The following EPHA6 variants were observed in gnomAD, a reference collection of about 807,000 sequenced individuals.
EPHA6 encodes ephrin type-A receptor 6.
Under a neutral mutation model 112.0 loss-of-function variants are expected in EPHA6, and 50 were observed. The observed-to-expected ratio is 0.45, with a 90% CI of 0.36 to 0.56. EPHA6 has a LOEUF of 0.56. Ranked by LOEUF, EPHA6 falls within the 20% of genes least tolerant of loss-of-function variation. The pLI, the probability that EPHA6 is intolerant of heterozygous loss-of-function variation, is 0.00. For synonymous variants in EPHA6, 529 were observed against 490.7 expected (o/e 1.08, Z -1.03); for missense variants, 1,280 against 1,417.4 (o/e 0.90, Z 1.56).
At chr3:96,984,453 G>A (rs1034355964) in intron 2 of EPHA6, among the ~76,000 whole-genome samples, 8 of 152,314 alleles carry the variant, frequency 5.3e-5, no homozygotes, top group African/African-American at 1.9e-4. Context: ...TGAGGTGTCA[G>A]TCTGCCCCTA....
chr3:96,887,686 A>G (rs1385106803), intron 2 of EPHA6, among the ~76,000 whole-genome samples: 2 of 152,078 alleles, frequency 1.3e-5, no homozygotes, highest in African/African-American at 2.4e-5. Context: ...TTCTGCTACC[A>G]GGGTAGGTAG....
rs79659567 is a variant in EPHA6 at position 96,988,962 on chromosome 3, G to A, written c.1114+969G>A. On this transcript the variant is annotated intron_variant, in intron 3 of 17. Coordinates refer to ENST00000389672, the MANE Select transcript of EPHA6 (RefSeq NM_001080448.3). ...ATATACCCCCTAATAAAGAGCATACGTTTGATTATAATTAGATTTAGGACT... is the reference window on the plus strand; with the variant it reads ...ATATACCCCCTAATAAAGAGCATACATTTGATTATAATTAGATTTAGGACT... Among the ~76,000 whole-genome samples, 1,325 of 151,890 alleles carry A rather than the reference G, an allele frequency of 8.7e-3. 74 individuals are homozygous for A. In the East Asian group the frequency reaches 0.15, roughly 17 times the overall value.
chr3:96,944,075 A>G (rs747830673), intron 2 of EPHA6, among the ~76,000 whole-genome samples: 5 of 152,162 alleles, frequency 3.3e-5, no homozygotes, highest in Non-Finnish European at 7.3e-5. Flanking sequence ...AAAGTTATCT[A>G]TATGTTGTCT....
intron 5 of EPHA6, among the ~76,000 whole-genome samples, chr3:97,373,977 G>C (rs2085209828): frequency 6.6e-6 from 1 of 151,954 alleles, no homozygotes; most frequent in African/African-American, 2.4e-5. Context: ...TATGACTTTT[G>C]TTTCTCACTA....
At position 97,753,849 on chromosome 3, in the gene EPHA6, T is replaced by TA. The variant is rs200096225; in HGVS notation, c.*5157dup. On this transcript the variant is annotated 3_prime_UTR_variant, in exon 18 of 18. Transcript: ENST00000389672. ...AAACACTCCATCTATTTCTTACTGT[T>TA]AAAAAAAAAGTACTGATGAGATGTA... 2.5e-3 allele frequency among the ~76,000 whole-genome samples: 370 copies of TA among 150,818 alleles called. 1 individual carries two copies. The highest frequency in any genetic ancestry group is 0.014 in the South Asian group (66 of 4,790).
chr3:97,199,876 G>T (rs187433543), intron 3 of EPHA6, among the ~76,000 whole-genome samples: 61 of 152,210 alleles, frequency 4.0e-4, no homozygotes, highest in Non-Finnish European at 5.9e-4. Context: ...GATGCTGGGG[G>T]GGTGACAATG....
chr3:96,841,439 A>G (rs1327027051), intron 1 of EPHA6, among the ~76,000 whole-genome samples: 1 of 151,970 alleles, frequency 6.6e-6, no homozygotes, highest in Non-Finnish European at 1.5e-5. Context: ...TCGATTTCCA[A>G]ACACGTGTTA....
chr3:97,632,676 G>T (rs1310352281), intron 13 of EPHA6, among the ~76,000 whole-genome samples: 1 of 152,014 alleles, frequency 6.6e-6, no homozygotes, highest in African/African-American at 2.4e-5. Flanking sequence ...AGAGGAAACT[G>T]TATAAGCAAA....
intron 11 of EPHA6, among the ~76,000 whole-genome samples, chr3:97,544,485 TCGG>T: frequency 6.6e-6 from 1 of 152,224 alleles, no homozygotes; most frequent in Non-Finnish European, 1.5e-5. Flanking sequence ...GCTGCTGGAT[TCGG>T]TTTGCCAGTA....
At chr3:97,034,998 A>G (rs553335198) in intron 3 of EPHA6, among the ~76,000 whole-genome samples, 3 of 152,068 alleles carry the variant, frequency 2.0e-5, no homozygotes, top group South Asian at 2.1e-4. Flanking sequence ...TATTCTGCCA[A>G]ACTTCTAAGA....
chr3:97,664,105 A>G (rs537920753), intron 14 of EPHA6, among the ~76,000 whole-genome samples: 109 of 152,138 alleles, frequency 7.2e-4, no homozygotes, highest in Non-Finnish European at 1.2e-3. Flanking sequence ...GCATTTTTTC[A>G]TGTGTGTTTT....
At chr3:97,368,997 T>C (rs1305810190) in intron 5 of EPHA6, among the ~76,000 whole-genome samples, 1 of 152,200 alleles carries the variant, frequency 6.6e-6, no homozygotes, top group Non-Finnish European at 1.5e-5. Context: ...TATCTAAGTT[T>C]ATTTCTGAAG....
chr3:97,280,937 T>C (rs139788239), intron 5 of EPHA6, among the ~76,000 whole-genome samples: 1 of 152,328 alleles, frequency 6.6e-6, no homozygotes, highest in East Asian at 1.9e-4. Context: ...ATGTGGTCTA[T>C]ATTTGGCAAT....
At chr3:97,479,245 A>T in intron 8 of EPHA6, 49 bp from the exon 9 acceptor site, 1 of 1,184,660 alleles carries the variant, frequency 8.4e-7, no homozygotes, top group Non-Finnish European at 1.2e-6. Context: ...TTTGCATTGT[A>T]TGCATCATAC....
intron 7 of EPHA6, among the ~76,000 whole-genome samples, chr3:97,457,789 G>A (rs899265253): frequency 3.3e-5 from 5 of 151,922 alleles, no homozygotes; most frequent in Non-Finnish European, 7.4e-5. Context: ...CTTAATGGCC[G>A]GGCGCGGTGG....
At chr3:96,917,125 AAC>A (rs2039521247) in intron 2 of EPHA6, among the ~76,000 whole-genome samples, 1 of 152,124 alleles carries the variant, frequency 6.6e-6, no homozygotes. Flanking sequence ...CACACAAACA[AAC>A]ACACATTTTT....
intron 3 of EPHA6, among the ~76,000 whole-genome samples, chr3:97,218,369 A>G (rs2108527443): frequency 6.6e-6 from 1 of 152,296 alleles, no homozygotes; most frequent in Middle Eastern, 3.4e-3. Context: ...TAATTTATAA[A>G]AAATAGAGGT....
At chr3:97,526,533 G>T (rs1410078650) in intron 10 of EPHA6, among the ~76,000 whole-genome samples, 1 of 152,184 alleles carries the variant, frequency 6.6e-6, no homozygotes, top group Non-Finnish European at 1.5e-5. Context: ...ATTGCTCATA[G>T]ACTGCATCTG....
chr3:97,525,423 A>C (rs973611644), intron 10 of EPHA6, among the ~76,000 whole-genome samples: 1 of 151,968 alleles, frequency 6.6e-6, no homozygotes, highest in Non-Finnish European at 1.5e-5. Flanking sequence ...GTCTATCTCT[A>C]TTTGTTGAAT....
Sources: gnomAD v4.1 joint callset for allele counts (sites outside exome capture counted in the v4.1 genomes callset) on GRCh38, gnomAD v4.1.1 for gene constraint, MANE v1.5 for transcripts, NCBI Gene and HGNC (gene_info 2026-07-23, HGNC 2026-07-21) for gene names.